CHD3: variants seen among roughly 807,000 people sequenced by gnomAD.
CHD3 encodes chromodomain helicase DNA binding protein 3.
In CHD3, 52 loss-of-function variants were observed where a neutral mutation model predicts 248.9. The observed-to-expected ratio is 0.21, with a 90% CI of 0.17 to 0.26. The LOEUF (loss-of-function observed/expected upper bound fraction) is 0.26. Ranked by LOEUF, CHD3 falls within the 10% of genes least tolerant of loss-of-function variation. The pLI is 1.00. For missense variants in CHD3, 1,482 were observed against 2,605.8 expected (o/e 0.57, Z 9.39); for synonymous variants, 985 against 985.2 (o/e 1.00, Z 0.00).
chr17:7,895,629 C>A lies in CHD3; in HGVS notation c.1707+87C>A. 1.7e-6 allele frequency: 2 copies of A among 1,209,944 alleles called. No homozygotes were observed. Among genetic ancestry groups the A allele is most frequent in the Non-Finnish European group, 2.4e-6 (2 of 838,696 alleles). 75.0% of individuals were successfully genotyped at this position (1,209,944 alleles called of 1,614,324 possible). On this transcript the variant is annotated intron_variant, in intron 10 of 39. Transcript: ENST00000330494. This position sits in a 1 kb window ranked among gnomAD's most constrained non-coding sequence, Gnocchi z 4.9. Reference sequence around the variant, plus strand: ...CTTACTCCTCTGTTTGTTGGGTTCCCATACTCTTTGTTTTCTCTCATTTCA... The same window carrying A: ...CTTACTCCTCTGTTTGTTGGGTTCCAATACTCTTTGTTTTCTCTCATTTCA...
intron 4 of CHD3, 84 bp downstream of exon 4, chr17:7,891,148 A>G (rs1597922814): frequency 4.7e-6 from 7 of 1,480,988 alleles, no homozygotes; most frequent in Non-Finnish European, 6.5e-6. Flanking sequence ...GATGAAAGCT[A>G]TGAAACTGCT....
chr17:7,897,037 G>A lies in CHD3; in HGVS notation c.1708-46G>A, dbSNP rs769544205. 16 of 1,520,514 alleles carry A rather than the reference G, an allele frequency of 1.1e-5. No homozygotes were observed. In the Admixed American group the frequency reaches 2.7e-4, roughly 26 times the overall value. 94.2% of individuals were successfully genotyped at this position (1,520,514 alleles called of 1,614,324 possible). ...TCTTCCCGGTTCCTTGTTGTCCTCT[G>A]TGAGTGTCAGGACTATCTCTTTCCC... On this transcript the variant is annotated intron_variant, in intron 10 of 39. Transcript: ENST00000330494. This position sits in a 1 kb window ranked among gnomAD's most constrained non-coding sequence, Gnocchi z 4.8.
chr17:7,900,205 T>G lies in CHD3; in HGVS notation c.2683-85T>G. On this transcript the variant is annotated intron_variant, in intron 16 of 39. Coordinates refer to ENST00000330494, the MANE Select transcript of CHD3 (RefSeq NM_001005273.3). The surrounding 1 kb of genome is among the most constrained non-coding windows in gnomAD (Gnocchi z 6.5). ...CTCTGATCCTGAGTGAAATGGGAGC[T>G]GGGGCAGGGAAAGGCTGATGCTGTG... The G allele has an allele frequency of 6.3e-7, 1 of 1,584,420 alleles. No individual in the cohort carries two copies. The highest frequency in any genetic ancestry group is 8.6e-7 in the Non-Finnish European group (1 of 1,161,006).
Position 7,907,683 on chromosome 17 carries a change from A to T in CHD3, c.5007A>T (p.Thr1669=). The change falls in exon 33 of 40, where the codon ACA becomes ACT. Residue 1669 remains threonine, a synonymous_variant. Transcript: ENST00000330494. The surrounding 1 kb of genome is among the most constrained non-coding windows in gnomAD (Gnocchi z 4.3). ...ACAGGGAGAGGCCGGAGGGGGAAAC[A>T]GGGGATTTGGGCAAGAGAGGTAATG... ...QEHRERPEGE[T]GDLGKREDVK... 2 of 1,534,840 alleles carry T rather than the reference A, an allele frequency of 1.3e-6. No individual in the cohort carries two copies. Among genetic ancestry groups the T allele is most frequent in the East Asian group, 4.6e-5 (2 of 43,182 alleles).
chr17:7,885,080 C>T, upstream of CHD3: 1 of 987,430 alleles, frequency 1.0e-6, no homozygotes, highest in Non-Finnish European at 1.2e-6. Flanking sequence ...GCCCCCGCCG[C>T]CAGGTAAGCG....
At position 7,894,278 on chromosome 17, in the gene CHD3, G is replaced by A; in HGVS notation, c.1075+13G>A. 1 of 1,612,456 alleles carries A rather than the reference G, an allele frequency of 6.2e-7. No homozygotes were observed. The highest frequency in any genetic ancestry group is 8.5e-7 in the Non-Finnish European group (1 of 1,179,088). On this transcript the variant is annotated intron_variant, in intron 7 of 39. Coordinates refer to ENST00000330494, the MANE Select transcript of CHD3 (RefSeq NM_001005273.3). ...AAGAAGAAGAAGGGTAAGGAGTGTTGACTGTGTGTGATCCTGTCAGTGGGC... is the reference window on the plus strand; with the variant it reads ...AAGAAGAAGAAGGGTAAGGAGTGTTAACTGTGTGTGATCCTGTCAGTGGGC...
rs754991366 is a variant in CHD3 at position 7,890,929 on chromosome 17, C to G, written c.385-11C>G. 4 of 1,613,832 alleles carry G rather than the reference C, an allele frequency of 2.5e-6. No individual in the cohort carries two copies. The East Asian group carries it at 8.9e-5, about 36-fold the overall frequency. Reference sequence around the variant, plus strand: ...AGGAGCACCTACTTCACCAAAGCCCCTCTCCCGCAGCAAGTGGAACAGAAG... The same window carrying G: ...AGGAGCACCTACTTCACCAAAGCCCGTCTCCCGCAGCAAGTGGAACAGAAG... On this transcript the variant is annotated splice_polypyrimidine_tract_variant and intron_variant, in intron 3 of 39. Transcript: ENST00000330494.
upstream of CHD3, among the ~76,000 whole-genome samples, chr17:7,886,260 C>T (rs1044077936): frequency 6.6e-6 from 1 of 152,240 alleles, no homozygotes; most frequent in African/African-American, 2.4e-5. This position sits in a 1 kb window ranked among gnomAD's most constrained non-coding sequence, Gnocchi z 4.2. Flanking sequence ...ACCGCTGCGC[C>T]GCGTCAGGCG....
chr17:7,897,893 G>A lies in CHD3; in HGVS notation c.1920-78G>A, dbSNP rs145746966. 64 of 1,481,722 alleles carry A rather than the reference G, an allele frequency of 4.3e-5. No individual in the cohort carries two copies. The highest frequency in any genetic ancestry group is 1.3e-4 in the African/African-American group (9 of 71,222). The allele number at this position is 1,481,722 out of a possible 1,614,324, so 91.8% of individuals were successfully genotyped here. The stretch of plus-strand genomic sequence containing the variant: ...ATTTTGTGTGTTTGCTGATAATTGC[G>A]TTTCTCAGGCCTTCTTTCTGTTTGT... On this transcript the variant is annotated intron_variant, in intron 11 of 39. Transcript: ENST00000330494. The surrounding 1 kb of genome is among the most constrained non-coding windows in gnomAD (Gnocchi z 4.8).
chr17:7,910,797 C>T lies in CHD3; in HGVS notation c.5755-50C>T, dbSNP rs1567877991. 2.5e-6 allele frequency: 4 copies of T among 1,571,620 alleles called. No individual in the cohort carries two copies. The highest frequency in any genetic ancestry group is 1.7e-6 in the Non-Finnish European group (2 of 1,162,204). ...TAATGTCTCTCCTACAGCTTCTTTC[C>T]TCTCACAGACTATGAACTAACTCCA... On this transcript the variant is annotated intron_variant, in intron 38 of 39. Transcript: ENST00000330494. The surrounding 1 kb of genome is among the most constrained non-coding windows in gnomAD (Gnocchi z 4.7).
chr17:7,886,682 TGAG>T (rs1968003901), upstream of CHD3, among the ~76,000 whole-genome samples: 3 of 151,974 alleles, frequency 2.0e-5, no homozygotes, highest in South Asian at 6.3e-4. The surrounding 1 kb of genome is among the most constrained non-coding windows in gnomAD (Gnocchi z 4.2). Context: ...GGAGGAGGAA[TGAG>T]GAGTTGTGGG....
At position 7,911,296 on chromosome 17, in the gene CHD3, G is replaced by T. The variant is rs1195589905; in HGVS notation, c.5882-168G>T. ...GTGGGAACATGTGTTCAATCATGTA[G>T]CACAAAGTGGAATCTCAGGGAAAGG... On this transcript the variant is annotated intron_variant, in intron 39 of 39. Coordinates refer to ENST00000330494, the MANE Select transcript of CHD3 (RefSeq NM_001005273.3). This position sits in a 1 kb window ranked among gnomAD's most constrained non-coding sequence, Gnocchi z 5.4. Among the ~76,000 whole-genome samples, 1 of 152,234 alleles carries T rather than the reference G, an allele frequency of 6.6e-6. No homozygotes were observed. Among genetic ancestry groups the T allele is most frequent in the African/African-American group, 2.4e-5 (1 of 41,458 alleles).
Position 7,908,912 on chromosome 17 carries a change from G to A in CHD3, c.5394+83G>A. ...CAGATCTAGTTGGAACCTAGGGAAGGTTAACACCTTCAGGGCTGAGGTGAT... is the reference window on the plus strand; with the variant it reads ...CAGATCTAGTTGGAACCTAGGGAAGATTAACACCTTCAGGGCTGAGGTGAT... On this transcript the variant is annotated intron_variant, in intron 36 of 39. Transcript: ENST00000330494. The surrounding 1 kb of genome is among the most constrained non-coding windows in gnomAD (Gnocchi z 5.8). The A allele has an allele frequency of 6.3e-7, 1 of 1,577,500 alleles. No homozygotes were observed. Among genetic ancestry groups the A allele is most frequent in the South Asian group, 1.1e-5 (1 of 88,158 alleles).
At position 7,909,424 on chromosome 17, in the gene CHD3, CCT is replaced by C. The variant is rs752730668; in HGVS notation, c.5590+87_5590+88del. 7.9e-5 allele frequency: 115 copies of C among 1,449,138 alleles called. No homozygotes were observed. In the African/African-American group the frequency reaches 1.1e-3, roughly 14 times the overall value. The allele number at this position is 1,449,138 out of a possible 1,614,324, so 89.8% of individuals were successfully genotyped here. A position where few individuals can be genotyped will look rare whatever the true frequency, so the allele number is the denominator to read the frequency against. The stretch of plus-strand genomic sequence containing the variant: ...CGCACCCCTCAAAATCTTCCCACCC[CCT>C]GACCCCTCTACCTGCTGAACCATCC... On this transcript the variant is annotated intron_variant, in intron 37 of 39. Coordinates refer to ENST00000330494, the MANE Select transcript of CHD3 (RefSeq NM_001005273.3). The surrounding 1 kb of genome is among the most constrained non-coding windows in gnomAD (Gnocchi z 8.1).
At chr17:7,888,715 TGTGTGG>T (rs769353225), upstream of CHD3, 8 of 742,566 alleles carry the variant, frequency 1.1e-5, no homozygotes, top group Non-Finnish European at 1.5e-5. Flanking sequence ...CCTGAGAGTG[TGTGTGG>T]GTGTGGGTGC....
At position 7,908,084 on chromosome 17, in the gene CHD3, G is replaced by T; in HGVS notation, c.5152+65G>T. 6.6e-7 allele frequency: 1 copy of T among 1,522,566 alleles called. No individual in the cohort carries two copies. The highest frequency in any genetic ancestry group is 8.8e-7 in the Non-Finnish European group (1 of 1,132,490). 94.3% of individuals were successfully genotyped at this position (1,522,566 alleles called of 1,614,324 possible). A position where few individuals can be genotyped will look rare whatever the true frequency, so the allele number is the denominator to read the frequency against. On this transcript the variant is annotated intron_variant, in intron 34 of 39. Coordinates refer to ENST00000330494, the MANE Select transcript of CHD3 (RefSeq NM_001005273.3). The surrounding 1 kb of genome is among the most constrained non-coding windows in gnomAD (Gnocchi z 5.8). ...TCTGCTCATCCTCATGGGGTTTCTC[G>T]TTTTGCCTGAGGCTTCCTGCTACCT...
chr17:7,886,386 C>T (rs898528670), upstream of CHD3, among the ~76,000 whole-genome samples: 10 of 152,200 alleles, frequency 6.6e-5, no homozygotes, highest in African/African-American at 2.4e-4. This position sits in a 1 kb window ranked among gnomAD's most constrained non-coding sequence, Gnocchi z 4.2. Flanking sequence ...GGGGGACCTC[C>T]GCACCCCCGG....
upstream of CHD3, among the ~76,000 whole-genome samples, chr17:7,887,444 T>C (rs74514789): frequency 2.8e-3 from 422 of 148,796 alleles, 13 homozygotes; most frequent in East Asian, 0.06. Flanking sequence ...TATAACATAA[T>C]ATATAGATGT....
chr17:7,885,009 C>T, upstream of CHD3: 2 of 1,234,248 alleles, frequency 1.6e-6, no homozygotes, highest in East Asian at 3.2e-5. Flanking sequence ...CACAGCCCCC[C>T]CGGCTGCCAC....
Sources: gnomAD v4.1 joint callset for allele counts (sites outside exome capture counted in the v4.1 genomes callset) on GRCh38, gnomAD v4.1.1 for gene constraint, Gnocchi (gnomAD v3.1) non-coding constraint, MANE v1.5 for transcripts, NCBI Gene and HGNC (gene_info 2026-07-23, HGNC 2026-07-21) for gene names.